The following NCAM2 variants were observed in gnomAD, a reference collection of about 807,000 sequenced individuals.
The protein encoded by NCAM2 is N-CAM-2.
Under a neutral mutation model 98.1 loss-of-function variants are expected in NCAM2, and 30 were observed. The ratio of observed to expected loss-of-function variants is 0.31; its 90% CI spans 0.23 to 0.41. The LOEUF is 0.41. Among genes scored for constraint, NCAM2 ranks in the 10% least tolerant of loss-of-function variants. The pLI is 1.00. For missense variants in NCAM2, 867 were observed against 1,005.8 expected (o/e 0.86, Z 1.87); for synonymous variants, 368 against 342.4 (o/e 1.07, Z -0.83).
intron 10 of NCAM2, among the ~76,000 whole-genome samples, chr21:21,415,582 G>T (rs146508592): frequency 6.6e-6 from 1 of 152,016 alleles, no homozygotes; most frequent in Non-Finnish European, 1.5e-5. Flanking sequence ...TGATCTGCCC[G>T]CCTCGGCCTC....
chr21:21,160,278 C>G (rs563726013), intron 1 of NCAM2, among the ~76,000 whole-genome samples: 1 of 151,936 alleles, frequency 6.6e-6, no homozygotes, highest in Non-Finnish European at 1.5e-5. Flanking sequence ...AGTAATGCCA[C>G]TGATCTATAT....
Position 20,998,560 on chromosome 21 carries a change from G to C in NCAM2, c.-4G>C, listed in dbSNP as rs920742567. Reference sequence around the variant, plus strand: ...AAACTGTCCACCGGTGTCACGTCCTGAACATGAGCCTCCTCCTCTCCTTCT... The same window carrying C: ...AAACTGTCCACCGGTGTCACGTCCTCAACATGAGCCTCCTCCTCTCCTTCT... On this transcript the variant is annotated 5_prime_UTR_variant, in exon 1 of 18. Coordinates refer to ENST00000400546, the MANE Select transcript of NCAM2 (RefSeq NM_004540.5). The C allele has an allele frequency of 6.2e-7, 1 of 1,614,012 alleles. No homozygotes were observed. Among genetic ancestry groups the C allele is most frequent in the East Asian group, 2.2e-5 (1 of 44,846 alleles).
At chr21:21,279,720 A>C (rs746413846) in intron 1 of NCAM2, among the ~76,000 whole-genome samples, 5 of 152,134 alleles carry the variant, frequency 3.3e-5, no homozygotes, top group Admixed American at 6.6e-5. Flanking sequence ...GTTCACTGAA[A>C]TAAGCATTTT....
In NCAM2 at chr21:21,316,131, G is replaced by A. The variant is rs566697605; in HGVS notation, c.620-8252G>A. On this transcript the variant is annotated intron_variant, in intron 5 of 17. Transcript: ENST00000400546. Reference sequence around the variant, plus strand: ...GCCTTTTGAAAGCTGTGTATTTAAAGCCATACTTTTCTTAGTTAATGGGAT... The same window carrying A: ...GCCTTTTGAAAGCTGTGTATTTAAAACCATACTTTTCTTAGTTAATGGGAT... 2.0e-5 allele frequency among the ~76,000 whole-genome samples: 3 copies of A among 152,212 alleles called. No individual in the cohort carries two copies. The East Asian group carries it at 5.8e-4, about 29-fold the overall frequency.
chr21:21,280,546 T>C lies in NCAM2; in HGVS notation c.56-32T>C, dbSNP rs551558401. 3.4e-6 allele frequency: 5 copies of C among 1,461,766 alleles called. No individual in the cohort carries two copies. In the African/African-American group the frequency reaches 7.0e-5, roughly 20 times the overall value. 90.5% of individuals were successfully genotyped at this position (1,461,766 alleles called of 1,614,324 possible). A position where few individuals can be genotyped will look rare whatever the true frequency, so the allele number is the denominator to read the frequency against. On this transcript the variant is annotated intron_variant, in intron 1 of 17. Transcript: ENST00000400546. ...AAATCTTAGAAATCACGCTTAAAAA[T>C]CACCATTAATTGTTTCCCAATTTTT...
intron 1 of NCAM2, among the ~76,000 whole-genome samples, chr21:21,149,024 A>G (rs578160096): frequency 6.6e-6 from 1 of 152,164 alleles, no homozygotes; most frequent in South Asian, 2.1e-4. Flanking sequence ...AAATAAAAAT[A>G]CTGTATATAT....
chr21:21,291,913 G>A (rs1363243231), intron 4 of NCAM2, among the ~76,000 whole-genome samples, 191 bp from the exon 5 acceptor site: 1 of 150,724 alleles, frequency 6.6e-6, no homozygotes, highest in Non-Finnish European at 1.5e-5. Flanking sequence ...AAAAAAAGGT[G>A]TAACAAAGCA....
intron 16 of NCAM2, among the ~76,000 whole-genome samples, chr21:21,528,777 C>G (rs1366307522): frequency 6.6e-6 from 1 of 152,008 alleles, no homozygotes; most frequent in South Asian, 2.1e-4. Flanking sequence ...CATTTATCAC[C>G]TGAAAGACTG....
rs114647198 is a variant in NCAM2, at chr21:21,353,622, T to C, written c.1044+15088T>C. The stretch of plus-strand genomic sequence containing the variant: ...CTACCTATGAGGCACAAAATCAGAA[T>C]AGAAATATAGATTTCTTATATCATC... On this transcript the variant is annotated intron_variant, in intron 8 of 17. Coordinates refer to ENST00000400546, the MANE Select transcript of NCAM2 (RefSeq NM_004540.5). Among the ~76,000 whole-genome samples the C allele has an allele frequency of 3.8e-3, 579 of 152,316 alleles. 4 individuals carry two copies. Among genetic ancestry groups the C allele is most frequent in the African/African-American group, 0.013 (549 of 41,582 alleles).
intron 5 of NCAM2, among the ~76,000 whole-genome samples, chr21:21,302,749 G>T (rs2073758546): frequency 6.6e-6 from 1 of 151,936 alleles, no homozygotes; most frequent in Non-Finnish European, 1.5e-5. Flanking sequence ...CTCTTTACTG[G>T]GTATATACCC....
intron 1 of NCAM2, among the ~76,000 whole-genome samples, chr21:21,115,989 G>GTGTGTGTGTGTGTC (rs796784161): frequency 1.4e-4 from 18 of 130,744 alleles, no homozygotes; most frequent in African/African-American, 3.9e-4. Context: ...GTGTGTGTGT[G>GTGTGTGTGTGTGTC]TGTCTGTCTG....
intron 16 of NCAM2, among the ~76,000 whole-genome samples, chr21:21,512,721 C>A (rs1988467509): frequency 6.6e-6 from 1 of 152,030 alleles, no homozygotes; most frequent in African/African-American, 2.4e-5. Context: ...AATCCACCAA[C>A]ATAAAATGCC....
intron 4 of NCAM2, among the ~76,000 whole-genome samples, chr21:21,291,502 T>C (rs1395219840): frequency 6.6e-6 from 1 of 151,438 alleles, no homozygotes; most frequent in African/African-American, 2.4e-5. Flanking sequence ...CACACACAAA[T>C]GGAATCTTGA....
chr21:21,053,433 T>C (rs2065150864), intron 1 of NCAM2, among the ~76,000 whole-genome samples: 3 of 151,958 alleles, frequency 2.0e-5, no homozygotes, highest in Admixed American at 2.0e-4. Flanking sequence ...TGTGGACCAG[T>C]TACCATTTTA....
Position 21,538,016 on chromosome 21 carries a change from A to T in NCAM2, c.*59A>T. On this transcript the variant is annotated 3_prime_UTR_variant, in exon 18 of 18. Transcript: ENST00000400546. The stretch of plus-strand genomic sequence containing the variant: ...AAGAGTATTTGGATTGCGTGACCCT[A>T]TGACCAAAACTATTCCATTGACCTT... 1.0e-6 allele frequency: 1 copy of T among 1,000,730 alleles called. No homozygotes were observed. Among genetic ancestry groups the T allele is most frequent in the East Asian group, 2.7e-5 (1 of 37,674 alleles). The allele number at this position is 1,000,730 out of a possible 1,614,324, so 62.0% of individuals were successfully genotyped here. A position where few individuals can be genotyped will look rare whatever the true frequency, so the allele number is the denominator to read the frequency against.
intron 12 of NCAM2, among the ~76,000 whole-genome samples, chr21:21,436,523 CT>C (rs2146053723): frequency 6.6e-6 from 1 of 152,164 alleles, no homozygotes; most frequent in African/African-American, 2.4e-5. Context: ...TATGGTACTT[CT>C]CTTACATTAT....
intron 15 of NCAM2, among the ~76,000 whole-genome samples, chr21:21,499,345 G>A (rs1217790241): frequency 1.3e-5 from 2 of 152,184 alleles, no homozygotes; most frequent in Admixed American, 6.5e-5. Context: ...AGGTTCAAGC[G>A]ATTCTCCTGC....
intron 14 of NCAM2, among the ~76,000 whole-genome samples, chr21:21,473,483 CA>C (rs1984746207): frequency 6.7e-6 from 1 of 150,124 alleles, no homozygotes; most frequent in Non-Finnish European, 1.5e-5. Flanking sequence ...TCTGTGAGGT[CA>C]TGTAAATATG....
chr21:21,421,630 T>TA (rs1420144996), intron 11 of NCAM2, among the ~76,000 whole-genome samples: 1 of 152,186 alleles, frequency 6.6e-6, no homozygotes, highest in Non-Finnish European at 1.5e-5. Context: ...TGCAGAATCC[T>TA]AACACTGAAA....
Sources: allele counts gnomAD v4.1 joint callset (sites outside exome capture counted in the v4.1 genomes callset), GRCh38; gene constraint gnomAD v4.1.1; transcripts MANE v1.5; gene names NCBI Gene and HGNC (gene_info 2026-07-23, HGNC 2026-07-21).